Variants in DISP1 observed in about 807,000 individuals in gnomAD.
The protein encoded by DISP1 is protein dispatched homolog 1.
DISP1 carries 30 observed loss-of-function variants against 37.3 expected under a neutral mutation model. The ratio of observed to expected loss-of-function variants is 0.80; its 90% CI spans 0.60 to 1.09. The LOEUF (loss-of-function observed/expected upper bound fraction) is 1.09. Among genes scored for constraint, DISP1 ranks in the 50% least tolerant of loss-of-function variants. The pLI, the probability that DISP1 is intolerant of heterozygous loss-of-function variation, is 0.00. For synonymous variants in DISP1, 634 were observed against 690.2 expected (o/e 0.92, Z 1.28); for missense variants, 1,598 against 1,879.5 (o/e 0.85, Z 2.77).
intron 1 of DISP1, among the ~76,000 whole-genome samples, chr1:222,869,221 G>A (rs755939561): frequency 2.6e-5 from 4 of 152,024 alleles, no homozygotes; most frequent in African/African-American, 9.7e-5. Context: ...CTATTTGTTT[G>A]TTTTAGATCA....
chr1:222,930,573 A>C (rs1329637905), intron 2 of DISP1, among the ~76,000 whole-genome samples: 1 of 152,110 alleles, frequency 6.6e-6, no homozygotes, highest in East Asian at 1.9e-4. Context: ...AAACTGTATA[A>C]GGAAGATAGT....
intron 8 of DISP1, among the ~76,000 whole-genome samples, chr1:222,999,444 AATACATG>A (rs1277991733): frequency 6.6e-6 from 1 of 152,176 alleles, no homozygotes; most frequent in Non-Finnish European, 1.5e-5. Context: ...CCCATAATAT[AATACATG>A]CTTCTGTGTT....
At chr1:222,852,076 C>T (rs938903422) in intron 1 of DISP1, among the ~76,000 whole-genome samples, 8 of 151,882 alleles carry the variant, frequency 5.3e-5, no homozygotes, top group African/African-American at 9.7e-5. Flanking sequence ...CCCAGCTACT[C>T]GGGAAGCTGA....
chr1:222,865,040 TG>T (rs1220821707), intron 1 of DISP1, among the ~76,000 whole-genome samples: 6 of 152,070 alleles, frequency 3.9e-5, no homozygotes, highest in South Asian at 4.1e-4. Flanking sequence ...GTTTTTGTTT[TG>T]TTTTTTTTTC....
chr1:222,991,897 A>G (rs1218317677), intron 6 of DISP1, 116 bp from the exon 7 acceptor site: 1 of 900,498 alleles, frequency 1.1e-6, no homozygotes, highest in Non-Finnish European at 1.8e-6. Context: ...AATCCTTTCA[A>G]CTTAATATCA....
At chr1:222,853,345 C>T (rs1459624091) in intron 1 of DISP1, among the ~76,000 whole-genome samples, 2 of 152,132 alleles carry the variant, frequency 1.3e-5, no homozygotes, top group African/African-American at 2.4e-5. Context: ...ATGGAGCTTC[C>T]TCAAAGAACT....
At chr1:222,872,846 G>T (rs1210624347) in intron 1 of DISP1, among the ~76,000 whole-genome samples, 1 of 152,110 alleles carries the variant, frequency 6.6e-6, no homozygotes, top group Non-Finnish European at 1.5e-5. Context: ...TGCTTCTCTA[G>T]TTCTTTTAAT....
chr1:222,849,103 G>T (rs552759378), intron 1 of DISP1, among the ~76,000 whole-genome samples: 15 of 152,232 alleles, frequency 9.9e-5, no homozygotes, highest in Non-Finnish European at 1.9e-4. Context: ...GGTAATTTCA[G>T]CACTAATGTT....
intron 1 of DISP1, among the ~76,000 whole-genome samples, chr1:222,904,878 T>C (rs557744396): frequency 6.6e-6 from 1 of 152,344 alleles, no homozygotes; most frequent in Admixed American, 6.5e-5. Context: ...ATATTTTAAC[T>C]AATAATTTCC....
chr1:222,914,751 G>C (rs1487305475), intron 1 of DISP1, among the ~76,000 whole-genome samples: 1 of 152,118 alleles, frequency 6.6e-6, no homozygotes, highest in Admixed American at 6.6e-5. Flanking sequence ...TTGAGCCCAA[G>C]AAGTTCGAGA....
intron 1 of DISP1, among the ~76,000 whole-genome samples, chr1:222,843,234 G>T (rs374027735): frequency 3.6e-4 from 55 of 152,000 alleles, no homozygotes; most frequent in African/African-American, 1.3e-3. Context: ...CAAATACTGT[G>T]TCTAAAATTA....
At chr1:222,873,648 T>C (rs1178332706) in intron 1 of DISP1, among the ~76,000 whole-genome samples, 5 of 152,222 alleles carry the variant, frequency 3.3e-5, no homozygotes, top group Non-Finnish European at 1.5e-5. Context: ...TCCATCCCTT[T>C]ATTTTGAGCC....
At chr1:222,923,328 A>G (rs1032997296) in intron 1 of DISP1, among the ~76,000 whole-genome samples, 2 of 152,176 alleles carry the variant, frequency 1.3e-5, no homozygotes, top group African/African-American at 2.4e-5. Context: ...TGAACTGCAT[A>G]TGACTCTTGA....
intron 1 of DISP1, among the ~76,000 whole-genome samples, chr1:222,822,242 T>C (rs1277949680): frequency 1.3e-5 from 2 of 152,234 alleles, no homozygotes; most frequent in African/African-American, 2.4e-5. Context: ...ATTTCACTTG[T>C]GTTCAGAAGG....
chr1:222,834,073 T>G (rs1038633588), intron 1 of DISP1, among the ~76,000 whole-genome samples: 1 of 152,228 alleles, frequency 6.6e-6, no homozygotes, highest in African/African-American at 2.4e-5. Context: ...TTTTAAGTTG[T>G]AAGCTCTGAG....
chr1:222,818,351 G>T (rs889635767), intron 1 of DISP1, among the ~76,000 whole-genome samples: 2 of 152,104 alleles, frequency 1.3e-5, no homozygotes, highest in African/African-American at 2.4e-5. Flanking sequence ...ACCTGGAGAG[G>T]GCTGGGAGGG....
In DISP1 at chr1:223,004,450, G is replaced by C. The variant is rs202176360; in HGVS notation, c.3053G>C (p.Gly1018Ala). The C allele has an allele frequency of 6.2e-7, 1 of 1,614,204 alleles. No individual in the cohort carries two copies. Among genetic ancestry groups the C allele is most frequent in the Non-Finnish European group, 8.5e-7 (1 of 1,180,032 alleles). ...CTTTATGCCATCATTTCAATTGCTG[G>C]AACGATATTTGTCACTGTTGGTTCT... is the stretch of plus-strand genomic sequence containing the variant. ...ISLYAIISIA[G>A]TIFVTVGSLV... is the part of the protein sequence containing the mutation. The change falls in exon 9 of 9, where the codon GGA (glycine) becomes GCA (alanine). Residue 1018 changes from glycine to alanine, a missense_variant. Gly to Ala is a moderately conservative substitution (Grantham distance 60, BLOSUM62 0). Transcript: ENST00000675850. The surrounding 1 kb of genome is among the most constrained non-coding windows in gnomAD (Gnocchi z 4.9).
chr1:222,907,332 CG>C (rs1216452959), intron 1 of DISP1, among the ~76,000 whole-genome samples: 2 of 152,092 alleles, frequency 1.3e-5, no homozygotes, highest in African/African-American at 4.8e-5. Flanking sequence ...AGGAGTAAAA[CG>C]GGGAAGAAAC....
Position 222,933,146 on chromosome 1 carries a change from A to G in DISP1, c.-18+4576A>G, listed in dbSNP as rs142721253. ...AGGGCTTTCAGATTTGCTATGGCAGATATACTGCAATATCGTTAAGGTTAT... is the reference window on the plus strand; with the variant it reads ...AGGGCTTTCAGATTTGCTATGGCAGGTATACTGCAATATCGTTAAGGTTAT... On this transcript the variant is annotated intron_variant, in intron 2 of 8. Coordinates refer to ENST00000675850, the MANE Select transcript of DISP1 (RefSeq NM_001377229.1). 2.2e-3 allele frequency among the ~76,000 whole-genome samples: 327 copies of G among 152,066 alleles called. 3 individuals are homozygous for G. The highest frequency in any genetic ancestry group is 7.7e-3 in the African/African-American group (321 of 41,552).
Sources: gnomAD v4.1 joint callset for allele counts (sites outside exome capture counted in the v4.1 genomes callset) on GRCh38, gnomAD v4.1.1 for gene constraint, Gnocchi (gnomAD v3.1) non-coding constraint, MANE v1.5 for transcripts, NCBI Gene and HGNC (gene_info 2026-07-23, HGNC 2026-07-21) for gene names.